Variants in PALLD observed in about 807,000 individuals in gnomAD.
PALLD encodes palladin, cytoskeletal associated protein.
Under a neutral mutation model 123.5 loss-of-function variants are expected in PALLD, and 61 were observed. The ratio of observed to expected loss-of-function variants is 0.49; its 90% CI spans 0.40 to 0.61. The LOEUF (loss-of-function observed/expected upper bound fraction) is 0.61, where lower values mean the gene tolerates loss of function less well. Ranked by LOEUF, PALLD falls within the 20% of genes least tolerant of loss-of-function variation. The pLI is 0.00. For missense variants in PALLD, 1,273 were observed against 1,377.0 expected (o/e 0.92, Z 1.20); for synonymous variants, 465 against 496.4 (o/e 0.94, Z 0.84).
At chr4:168,719,344 G>A (rs1235940559) in intron 10 of PALLD, among the ~76,000 whole-genome samples, 3 of 126,384 alleles carry the variant, frequency 2.4e-5, no homozygotes, top group East Asian at 2.4e-4. Flanking sequence ...TGCAACCTCC[G>A]CCTCCTGGGT....
chr4:168,787,712 T>C (rs72986891), intron 10 of PALLD, among the ~76,000 whole-genome samples: 3,591 of 152,292 alleles, frequency 0.024, 140 homozygotes, highest in African/African-American at 0.08. Context: ...TCACATTTTT[T>C]CTCTTCATTG....
intron 2 of PALLD, among the ~76,000 whole-genome samples, chr4:168,615,367 A>G (rs1222698035): frequency 2.0e-5 from 3 of 152,202 alleles, no homozygotes; most frequent in African/African-American, 4.8e-5. Context: ...TATCTTCATT[A>G]CCATCTATCC....
At chr4:168,894,131 T>C (rs1754617344) in intron 11 of PALLD, 1 of 195,590 alleles carries the variant, frequency 5.1e-6, no homozygotes, top group Non-Finnish European at 1.1e-5. Flanking sequence ...GTTCTTTTTT[T>C]AGTCAGTTTA....
Position 168,924,261 on chromosome 4 carries a change from A to C in PALLD, c.3065A>C (p.Glu1022Ala), listed in dbSNP as rs1762154996. Reference protein sequence around the residue: ...FSLELVVAAKEAHKPPVFIEK... With the variant: ...FSLELVVAAKAAHKPPVFIEK... ...TCATCTCATGTTTTCTTAGCTAAAGAAGCACACAAACCCCCTGTGTTTATT... is the reference window on the plus strand; with the variant it reads ...TCATCTCATGTTTTCTTAGCTAAAGCAGCACACAAACCCCCTGTGTTTATT... Residue 1022 changes from glutamate to alanine, a missense_variant, in exon 19 of 22, where the codon GAA (glutamate) becomes GCA (alanine). Glu to Ala is a moderately radical substitution (Grantham distance 107). This residue lies in a region of PALLD where 329 missense variants were observed against 422.5 expected (regional missense o/e 0.78). Coordinates refer to ENST00000505667, the MANE Select transcript of PALLD (RefSeq NM_001166108.2). 2 of 1,613,780 alleles carry C rather than the reference A, an allele frequency of 1.2e-6. No individual in the cohort carries two copies. Among genetic ancestry groups the C allele is most frequent in the Non-Finnish European group, 1.7e-6 (2 of 1,179,716 alleles).
At chr4:168,570,585 T>G (rs2149606551) in intron 2 of PALLD, among the ~76,000 whole-genome samples, 1 of 152,310 alleles carries the variant, frequency 6.6e-6, no homozygotes, top group African/African-American at 2.4e-5. Flanking sequence ...CATGTTTATC[T>G]TCTGAGATAG....
At chr4:168,820,852 A>C (rs908720061) in intron 10 of PALLD, among the ~76,000 whole-genome samples, 3 of 152,218 alleles carry the variant, frequency 2.0e-5, no homozygotes, top group Non-Finnish European at 4.4e-5. Flanking sequence ...AATTACCTGC[A>C]TCAGTGAAAA....
At position 168,922,260 on chromosome 4, in the gene PALLD, A is replaced by G. The variant is rs564941031; in HGVS notation, c.3058+519A>G. On this transcript the variant is annotated intron_variant, in intron 18 of 21. Coordinates refer to ENST00000505667, the MANE Select transcript of PALLD (RefSeq NM_001166108.2). ...ATTCTGTAAAAGTGCTGTTACATGA[A>G]GTCTTATGCTTTGAGAAGCCTAAAA... 4.6e-5 allele frequency among the ~76,000 whole-genome samples: 7 copies of G among 152,306 alleles called. No individual in the cohort carries two copies. The East Asian group carries it at 1.3e-3, about 29-fold the overall frequency.
intron 1 of PALLD, among the ~76,000 whole-genome samples, chr4:168,502,327 C>T (rs1187305652): frequency 6.6e-6 from 1 of 152,088 alleles, no homozygotes; most frequent in Non-Finnish European, 1.5e-5. Flanking sequence ...TTTCTAGTTC[C>T]AAATTTTTTC....
intron 2 of PALLD, among the ~76,000 whole-genome samples, chr4:168,550,597 C>T (rs531726398): frequency 9.9e-5 from 15 of 152,232 alleles, no homozygotes; most frequent in Middle Eastern, 3.4e-3. Context: ...AGAGTCTCCC[C>T]GTGCCCAGTG....
chr4:168,878,484 G>A (rs950104482), intron 10 of PALLD: 3 of 990,746 alleles, frequency 3.0e-6, no homozygotes, highest in African/African-American at 1.7e-5. Flanking sequence ...GCTCCCATCA[G>A]CCTGCAACCC....
chr4:168,823,439 G>A (rs904283797), intron 10 of PALLD, among the ~76,000 whole-genome samples: 1 of 152,154 alleles, frequency 6.6e-6, no homozygotes, highest in African/African-American at 2.4e-5. Flanking sequence ...ACTTTAAGAG[G>A]CCAAGGCAGG....
intron 10 of PALLD, among the ~76,000 whole-genome samples, chr4:168,759,604 CA>C (rs1461110490): frequency 6.6e-6 from 1 of 151,902 alleles, no homozygotes; most frequent in Non-Finnish European, 1.5e-5. Context: ...AGAAGAAAAC[CA>C]CAGGGAAATA....
chr4:168,800,636 G>T (rs909189530), intron 10 of PALLD, among the ~76,000 whole-genome samples: 1 of 152,096 alleles, frequency 6.6e-6, no homozygotes, highest in African/African-American at 2.4e-5. Flanking sequence ...GAAGTAACAG[G>T]ATATTTCATA....
intron 1 of PALLD, among the ~76,000 whole-genome samples, chr4:168,501,165 C>T (rs1761355616): frequency 6.6e-6 from 1 of 152,114 alleles, no homozygotes; most frequent in Non-Finnish European, 1.5e-5. Context: ...GTAATCCCAG[C>T]AACTCAGGAG....
chr4:168,744,418 G>A (rs1475906134), intron 10 of PALLD, among the ~76,000 whole-genome samples: 5 of 152,158 alleles, frequency 3.3e-5, no homozygotes, highest in Non-Finnish European at 7.3e-5. Flanking sequence ...CAGCCTCGAG[G>A]TCACAGACTT....
At chr4:168,871,222 C>G (rs1047992705) in intron 10 of PALLD, among the ~76,000 whole-genome samples, 1 of 152,148 alleles carries the variant, frequency 6.6e-6, no homozygotes, top group African/African-American at 2.4e-5. Context: ...GGGATGGCAC[C>G]AGCCATTGTG....
intron 8 of PALLD, among the ~76,000 whole-genome samples, chr4:168,703,376 C>T (rs1211516662): frequency 1.7e-5 from 2 of 120,748 alleles, no homozygotes; most frequent in Non-Finnish European, 3.2e-5. Flanking sequence ...CATACGTGTG[C>T]ATGTGTCTTT....
intron 10 of PALLD, among the ~76,000 whole-genome samples, chr4:168,729,083 T>C (rs1448770156): frequency 1.3e-5 from 2 of 152,190 alleles, no homozygotes; most frequent in Non-Finnish European, 2.9e-5. Context: ...CCAACTAAAA[T>C]GGGAAGTGAA....
chr4:168,737,907 G>T (rs746594200), intron 10 of PALLD, among the ~76,000 whole-genome samples: 1 of 152,200 alleles, frequency 6.6e-6, no homozygotes, highest in Non-Finnish European at 1.5e-5. Flanking sequence ...AGCAAAACAC[G>T]CATAGCATGC....
Sources: allele counts gnomAD v4.1 joint callset (sites outside exome capture counted in the v4.1 genomes callset), GRCh38; gene constraint gnomAD v4.1.1; regional missense constraint gnomAD v4.1.1; transcripts MANE v1.5; gene names NCBI Gene and HGNC (gene_info 2026-07-23, HGNC 2026-07-21).